ADAMTS20: variants seen among roughly 807,000 people sequenced by gnomAD.
ADAMTS20 encodes the protein ADAM metallopeptidase with thrombospondin type 1 motif 20, also known as A disintegrin and metalloproteinase with thrombospondin motifs 20.
Under a neutral mutation model 260.1 loss-of-function variants are expected in ADAMTS20, and 225 were observed. The ratio of observed to expected loss-of-function variants is 0.87; its 90% CI spans 0.78 to 0.97. The LOEUF is 0.97. ADAMTS20 is among the 50% of genes least tolerant of loss of function. The pLI, the probability that ADAMTS20 is intolerant of heterozygous loss-of-function variation, is 0.00. For missense variants in ADAMTS20, 2,400 were observed against 2,337.7 expected (o/e 1.03, Z -0.55); for synonymous variants, 802 against 769.5 (o/e 1.04, Z -0.70).
Position 43,552,031 on chromosome 12 carries a change from CG to C in ADAMTS20, c.-111del, listed in dbSNP as rs1943526112. On this transcript the variant is annotated 5_prime_UTR_variant, in exon 1 of 39. Coordinates refer to ENST00000389420, the MANE Select transcript of ADAMTS20 (RefSeq NM_025003.5). The stretch of plus-strand genomic sequence containing the variant: ...CCTCCCTCTCGCCCGCCGCTCTCCG[CG>C]CCTCAGCAGCCTAGGGAACAGCAGC... 3.3e-6 allele frequency: 3 copies of C among 921,638 alleles called. No homozygotes were observed. The highest frequency in any genetic ancestry group is 5.1e-6 in the Non-Finnish European group (3 of 583,036). The allele number at this position is 921,638 out of a possible 1,614,324, so 57.1% of individuals were successfully genotyped here.
chr12:43,466,694 C>G lies in ADAMTS20; in HGVS notation c.1325G>C (p.Ser442Thr), dbSNP rs1321069558. ...ATATTTCCGACTACAGTTTGACCAG[C>G]TCCAAGGACTCATGTGAAAACTTAA... Reference protein sequence around the residue: ...PALSFHMSPWSWSNCSRKYVT... With the variant: ...PALSFHMSPWTWSNCSRKYVT... The change falls in exon 9 of 39, where the codon AGC becomes ACC. Residue 442 changes from serine (S) to threonine (T), a missense_variant. Ser to Thr is a moderately conservative substitution (Grantham distance 58, BLOSUM62 1). Transcript: ENST00000389420. 6 of 1,611,470 alleles carry G rather than the reference C, an allele frequency of 3.7e-6. No homozygotes were observed. Among genetic ancestry groups the G allele is most frequent in the Middle Eastern group, 1.6e-4 (1 of 6,072 alleles).
In ADAMTS20 at chr12:43,452,349, T is replaced by C. The variant is rs149642853; in HGVS notation, c.2004A>G (p.Leu668=). The change falls in exon 14 of 39, where the codon CTA becomes CTG. Residue 668 remains leucine (L), a synonymous_variant. Transcript: ENST00000389420. ...CQVAGTNYFY[L]LKDMVEDGTP... ...TACCATCTTCAACCATATCCTTCAA[T>C]AGGTAGAAATAATTGGTTCCAGCAA... 27 of 1,613,184 alleles carry C rather than the reference T, an allele frequency of 1.7e-5. No homozygotes were observed. Among genetic ancestry groups the C allele is most frequent in the Non-Finnish European group, 2.2e-5 (26 of 1,179,522 alleles).
At chr12:43,444,483 T>C (rs1368106167) in intron 15 of ADAMTS20, among the ~76,000 whole-genome samples, 1 of 152,180 alleles carries the variant, frequency 6.6e-6, no homozygotes, top group Non-Finnish European at 1.5e-5. Context: ...CTAATAAACT[T>C]GTTATGAGAA....
intron 31 of ADAMTS20, among the ~76,000 whole-genome samples, chr12:43,379,383 A>G (rs1215331043): frequency 6.6e-6 from 1 of 152,172 alleles, no homozygotes; most frequent in Non-Finnish European, 1.5e-5. Flanking sequence ...TGGGATCTAG[A>G]TGGCCGTGAA....
At chr12:43,397,040 G>A (rs185310627) in intron 29 of ADAMTS20, among the ~76,000 whole-genome samples, 1 of 152,276 alleles carries the variant, frequency 6.6e-6, no homozygotes. Context: ...CACACGCTTA[G>A]GGGAAAGCTA....
At chr12:43,499,795 G>A (rs1053026133) in intron 4 of ADAMTS20, among the ~76,000 whole-genome samples, 7 of 152,042 alleles carry the variant, frequency 4.6e-5, no homozygotes, top group African/African-American at 2.4e-5. Context: ...GAGCCATGGC[G>A]CCTGGCCAAT....
At chr12:43,441,195 G>C (rs909025365) in intron 16 of ADAMTS20, among the ~76,000 whole-genome samples, 1 of 151,884 alleles carries the variant, frequency 6.6e-6, no homozygotes, top group East Asian at 1.9e-4. Context: ...CACATACGTG[G>C]GTATCTGCTT....
At chr12:43,373,670 C>CTTTTTT (rs71091149) in intron 36 of ADAMTS20, among the ~76,000 whole-genome samples, 2 of 71,262 alleles carry the variant, frequency 2.8e-5, no homozygotes, top group Admixed American at 2.0e-4. Flanking sequence ...AATATCATCT[C>CTTTTTT]TTTTTTTTTT....
rs567658535 is a variant in ADAMTS20 at position 43,526,691 on chromosome 12, C to T, written c.613+5345G>A. On this transcript the variant is annotated intron_variant, in intron 3 of 38. Transcript: ENST00000389420. ...TCTTTGGGACAGGGCAAAAGTAGTG[C>T]TAAGAGGAATGTTTATTGCACTAAA... Among the ~76,000 whole-genome samples the T allele has an allele frequency of 3.3e-5, 5 of 152,190 alleles. No homozygotes were observed. In the South Asian group the frequency reaches 1.0e-3, roughly 32 times the overall value.
rs776468155 is a variant in ADAMTS20 at position 43,429,730 on chromosome 12, C to G, written c.3382-6G>C. 2 of 1,533,766 alleles carry G rather than the reference C, an allele frequency of 1.3e-6. No individual in the cohort carries two copies. The highest frequency in any genetic ancestry group is 1.4e-5 in the African/African-American group (1 of 72,402). On this transcript the variant is annotated splice_region_variant and splice_polypyrimidine_tract_variant and intron_variant, in intron 23 of 38. Transcript: ENST00000389420. Reference sequence around the variant, plus strand: ...CAAGGTGTAAGTACACAGCTCTGTTCAGAAGAAAAATGGTTCTCGTAAAAC... The same window carrying G: ...CAAGGTGTAAGTACACAGCTCTGTTGAGAAGAAAAATGGTTCTCGTAAAAC...
In ADAMTS20 at chr12:43,432,439, C is replaced by A. The variant is rs1267157427; in HGVS notation, c.2961G>T (p.Arg987Ser). 4 of 1,612,980 alleles carry A rather than the reference C, an allele frequency of 2.5e-6. No individual in the cohort carries two copies. The highest frequency in any genetic ancestry group is 2.7e-5 in the African/African-American group (2 of 74,596). ...TATTCATACAATAAGATTCTCGAGA[C>A]CTTTCCCCTCCTCCACAACTCCTGG... The part of the protein sequence containing the change: ...QCSRSCGGGE[R>S]SRESYCMNNF... The change falls in exon 21 of 39, where the codon AGG becomes AGT. Residue 987 changes from arginine (R) to serine (S), a missense_variant. Physicochemically the swap from Arg to Ser is moderately radical, Grantham distance 110. Coordinates refer to ENST00000389420, the MANE Select transcript of ADAMTS20 (RefSeq NM_025003.5).
chr12:43,490,540 C>G lies in ADAMTS20; in HGVS notation c.1077-105G>C. 4 of 527,426 alleles carry G rather than the reference C, an allele frequency of 7.6e-6. No homozygotes were observed. In the South Asian group the frequency reaches 1.1e-4, roughly 15 times the overall value. 32.7% of individuals were successfully genotyped at this position (527,426 alleles called of 1,614,324 possible). On this transcript the variant is annotated intron_variant, in intron 6 of 38. Transcript: ENST00000389420. ...ACTATGACATGACTACTACCACAAACTAACTTCTAAAATCTAGTTCACATT... is the reference window on the plus strand; with the variant it reads ...ACTATGACATGACTACTACCACAAAGTAACTTCTAAAATCTAGTTCACATT...
At chr12:43,484,273 G>A (rs932064560) in intron 7 of ADAMTS20, among the ~76,000 whole-genome samples, 2 of 152,052 alleles carry the variant, frequency 1.3e-5, no homozygotes, top group Non-Finnish European at 2.9e-5. Context: ...TTAAAAACAG[G>A]GTTCTGTGAC....
At chr12:43,466,868 T>A (rs555054020) in intron 8 of ADAMTS20, 73 bp from the exon 9 acceptor site, 5 of 1,134,194 alleles carry the variant, frequency 4.4e-6, no homozygotes, top group Admixed American at 4.5e-5. Flanking sequence ...TCCTTTATAG[T>A]CACATTATAA....
chr12:43,376,758 G>A, intron 32 of ADAMTS20, 105 bp from the exon 33 acceptor site: 2 of 1,325,060 alleles, frequency 1.5e-6, no homozygotes, highest in Non-Finnish European at 2.0e-6. Context: ...CACACTGAGG[G>A]TCAGTAGTGG....
At chr12:43,536,654 C>T (rs1026766042) in intron 2 of ADAMTS20, among the ~76,000 whole-genome samples, 6 of 152,174 alleles carry the variant, frequency 3.9e-5, no homozygotes, top group Middle Eastern at 3.4e-3. Context: ...ATATTCCAAA[C>T]GGTGACTGAA....
intron 2 of ADAMTS20, among the ~76,000 whole-genome samples, chr12:43,537,946 T>C (rs1159853931): frequency 6.6e-6 from 1 of 152,238 alleles, no homozygotes; most frequent in Admixed American, 6.5e-5. Flanking sequence ...CTTCCAAATC[T>C]TGGCTATTGT....
chr12:43,490,732 AG>A (rs1485086857), intron 6 of ADAMTS20, among the ~76,000 whole-genome samples: 1 of 152,160 alleles, frequency 6.6e-6, no homozygotes, highest in Non-Finnish European at 1.5e-5. Flanking sequence ...TATGTAATAT[AG>A]TTTACCCTCA....
Position 43,383,935 on chromosome 12 carries a change from A to G in ADAMTS20, c.4495T>C (p.Tyr1499His). Residue 1499 changes from tyrosine to histidine, a missense_variant, in exon 30 of 39, where the codon TAC becomes CAC. Tyr to His is a moderately conservative substitution (Grantham distance 83, BLOSUM62 2). Transcript: ENST00000389420. The stretch of plus-strand genomic sequence containing the variant: ...TGACCAACACCTTTCAGTCTGCAGT[A>G]TACATCCCTCTGCTGAACTCCAGAG... ...CGSGVQQRDV[Y>H]CRLKGVGQVV... The G allele has an allele frequency of 6.2e-7, 1 of 1,613,930 alleles. No homozygotes were observed. Among genetic ancestry groups the G allele is most frequent in the East Asian group, 2.2e-5 (1 of 44,876 alleles).
Sources: allele counts gnomAD v4.1 joint callset (sites outside exome capture counted in the v4.1 genomes callset), GRCh38; gene constraint gnomAD v4.1.1; transcripts MANE v1.5; gene names NCBI Gene and HGNC (gene_info 2026-07-23, HGNC 2026-07-21).